BIRC6: variants seen among roughly 807,000 people sequenced by gnomAD.
BIRC6 encodes dual E2 ubiquitin-conjugating enzyme/E3 ubiquitin-protein ligase BIRC6.
Under a neutral mutation model 503.3 loss-of-function variants are expected in BIRC6, and 98 were observed. The ratio of observed to expected loss-of-function variants is 0.19; its 90% CI spans 0.17 to 0.23. The LOEUF (loss-of-function observed/expected upper bound fraction) is 0.23. Among genes scored for constraint, BIRC6 ranks in the 10% least tolerant of loss-of-function variants. The pLI, the probability that BIRC6 is intolerant of heterozygous loss-of-function variation, is 1.00. For synonymous variants in BIRC6, 2,240 were observed against 2,078.7 expected, an observed-to-expected ratio of 1.08 and a Z score of -2.11; for missense variants, 5,360 against 5,806.0, an observed-to-expected ratio of 0.92 and a Z score of 2.50.
chr2:32,476,075 C>T, intron 33 of BIRC6, 138 bp from the exon 34 acceptor site: 3 of 606,580 alleles, frequency 4.9e-6, no homozygotes, highest in East Asian at 3.7e-5. Context: ...AAAAAATTAT[C>T]ATCACAGTTA....
At chr2:32,442,984 A>T (rs1315129115) in intron 19 of BIRC6, among the ~76,000 whole-genome samples, 3 of 152,194 alleles carry the variant, frequency 2.0e-5, no homozygotes, top group Admixed American at 2.0e-4. Context: ...TCCTATATAT[A>T]CATACCTGCA....
In BIRC6 at chr2:32,446,771, T is replaced by TA. The variant is rs1553433773; in HGVS notation, c.4484+1104dup. Among the ~76,000 whole-genome samples, 222 of 110,692 alleles carry TA rather than the reference T, an allele frequency of 2.0e-3. 2 individuals are homozygous for TA. Among genetic ancestry groups the TA allele is most frequent in the Non-Finnish European group, 3.4e-3 (181 of 53,218 alleles). 72.6% of individuals were successfully genotyped at this position (110,692 alleles called of 152,430 possible). On this transcript the variant is annotated intron_variant, in intron 21 of 73. Coordinates refer to ENST00000421745, the MANE Select transcript of BIRC6 (RefSeq NM_016252.4). ...TTTTTTTTTTTTTTTTTTTTTTTTT[T>TA]ATTGATCATTCTTGGGTGTTTCTCG...
intron 49 of BIRC6, among the ~76,000 whole-genome samples, chr2:32,504,078 T>TGTGTG (rs1558912926): frequency 2.3e-4 from 23 of 98,866 alleles, no homozygotes; most frequent in Admixed American, 1.1e-3. Context: ...GTGTGTGTGT[T>TGTGTG]TAGTAGAGAT....
In BIRC6 at chr2:32,597,824, G is replaced by C; in HGVS notation, c.13686G>C (p.Gln4562His). 6.2e-7 allele frequency: 1 copy of C among 1,613,794 alleles called. No individual in the cohort carries two copies. The highest frequency in any genetic ancestry group is 1.1e-5 in the South Asian group (1 of 91,084). The change falls in exon 69 of 74, where the codon CAG (glutamine) becomes CAC (histidine). Residue 4562 changes from glutamine (Q) to histidine (H), a missense_variant. Around this residue, in one of 16 missense-constraint regions of BIRC6, gnomAD observed 477 missense variants for 574.4 expected, o/e 0.83. Transcript: ENST00000421745. ...AAGTAAATTACCACTACATGTCTCA[G>C]GTGAAAAATGCTAATGATGCGAACA... ...GFKVNYHYMS[Q>H]VKNANDANSA... is the part of the protein sequence containing the mutation.
rs1041095897 is a variant in BIRC6, at chr2:32,511,080, G to A, written c.10346+446G>A. Among the ~76,000 whole-genome samples the A allele has an allele frequency of 4.6e-5, 7 of 151,582 alleles. No homozygotes were observed. In the East Asian group the frequency reaches 9.7e-4, roughly 21 times the overall value. On this transcript the variant is annotated intron_variant, in intron 53 of 73. Coordinates refer to ENST00000421745, the MANE Select transcript of BIRC6 (RefSeq NM_016252.4). ...TTTATTATTGATTATCGTATTCATC[G>A]AAATCTTTTCATGACTTTCTGCACC...
At position 32,501,859 on chromosome 2, in the gene BIRC6, T is replaced by C. The variant is rs1572654591; in HGVS notation, c.9178T>C (p.Tyr3060His). Residue 3060 changes from tyrosine to histidine, a missense_variant, in exon 47 of 74, where the codon TAC becomes CAC. This residue lies in a region of BIRC6 where 267 missense variants were observed against 287.6 expected (regional missense o/e 0.93). Transcript: ENST00000421745. ...CATGATGCTGCAGCCAATTTTAACA[T>C]ACATGGCCTGTGGATATATGGGCAG... ...VHMMLQPILT[Y>H]MACGYMGRQG... 1.2e-6 allele frequency: 2 copies of C among 1,612,788 alleles called. No individual in the cohort carries two copies. The highest frequency in any genetic ancestry group is 2.2e-5 in the East Asian group (1 of 44,866).
chr2:32,404,769 C>T (rs2041008091), intron 8 of BIRC6, among the ~76,000 whole-genome samples: 1 of 152,000 alleles, frequency 6.6e-6, no homozygotes, highest in South Asian at 2.1e-4. Context: ...TCAAGTCATC[C>T]TTCTACCTCA....
At chr2:32,460,053 T>G (rs1178540103) in intron 23 of BIRC6, among the ~76,000 whole-genome samples, 2 of 148,966 alleles carry the variant, frequency 1.3e-5, no homozygotes, top group Non-Finnish European at 3.0e-5. Flanking sequence ...GTTTTTTCCT[T>G]GTGTTATTTT....
intron 16 of BIRC6, among the ~76,000 whole-genome samples, chr2:32,441,069 C>T (rs13409142): frequency 0.64 from 97,743 of 151,860 alleles, 31,939 homozygotes; most frequent in African/African-American, 0.7. Flanking sequence ...GGAATTAGAC[C>T]CAGGACTTTG....
chr2:32,389,618 A>G (rs369974402), intron 4 of BIRC6, among the ~76,000 whole-genome samples: 1 of 152,252 alleles, frequency 6.6e-6, no homozygotes, highest in South Asian at 2.1e-4. Context: ...TACAAAAAGT[A>G]CCAAGGTTTA....
Position 32,514,860 on chromosome 2 carries a change from A to G in BIRC6, c.10569-130A>G, listed in dbSNP as rs530547280. 5.5e-5 allele frequency: 38 copies of G among 687,424 alleles called. No homozygotes were observed. The South Asian group carries it at 5.8e-4, about 10-fold the overall frequency. 42.6% of individuals were successfully genotyped at this position (687,424 alleles called of 1,614,324 possible). A position where few individuals can be genotyped will look rare whatever the true frequency, so the allele number is the denominator to read the frequency against. On this transcript the variant is annotated intron_variant, in intron 54 of 73. Coordinates refer to ENST00000421745, the MANE Select transcript of BIRC6 (RefSeq NM_016252.4). ...TATATATGCAGTCTTAAATCTTACAATGTTTTATTATTCAATGTCAAATAA... is the reference window on the plus strand; with the variant it reads ...TATATATGCAGTCTTAAATCTTACAGTGTTTTATTATTCAATGTCAAATAA...
At chr2:32,380,828 T>G (rs963663113) in intron 3 of BIRC6, among the ~76,000 whole-genome samples, 8 of 152,234 alleles carry the variant, frequency 5.3e-5, no homozygotes, top group Admixed American at 2.0e-4. Context: ...TGATGCTTCC[T>G]TAAATCTTTC....
At chr2:32,470,034 A>G (rs1022905761) in intron 30 of BIRC6, 134 bp from the exon 31 acceptor site, 11 of 774,704 alleles carry the variant, frequency 1.4e-5, no homozygotes, top group Admixed American at 3.9e-5. Context: ...TTGCTTTCCC[A>G]GTCTGAAATA....
intron 23 of BIRC6, among the ~76,000 whole-genome samples, chr2:32,459,200 TC>T (rs919053305): frequency 6.6e-6 from 1 of 152,092 alleles, no homozygotes; most frequent in Non-Finnish European, 1.5e-5. Context: ...TTTCTCCCAT[TC>T]CCCCCAAACC....
chr2:32,378,078 G>A (rs534578702), intron 2 of BIRC6, among the ~76,000 whole-genome samples: 13 of 152,224 alleles, frequency 8.5e-5, no homozygotes, highest in Non-Finnish European at 1.5e-4. Flanking sequence ...AGGGCTAAGT[G>A]TATGGCCATC....
chr2:32,447,038 A>C (rs1236139223), intron 21 of BIRC6, among the ~76,000 whole-genome samples: 2 of 132,966 alleles, frequency 1.5e-5, no homozygotes, highest in Admixed American at 1.6e-4. Context: ...GAGTGGACAC[A>C]GCACATGTTT....
chr2:32,523,703 G>T (rs1258377296), intron 57 of BIRC6, among the ~76,000 whole-genome samples: 1 of 152,074 alleles, frequency 6.6e-6, no homozygotes, highest in East Asian at 1.9e-4. Context: ...TTGTTTTATT[G>T]TCTCAACCTT....
chr2:32,371,506 C>CT (rs781453378), intron 1 of BIRC6, among the ~76,000 whole-genome samples: 79 of 152,016 alleles, frequency 5.2e-4, no homozygotes, highest in Non-Finnish European at 9.1e-4. Flanking sequence ...TTCCGAGCAG[C>CT]TGGGACTACA....
intron 65 of BIRC6, among the ~76,000 whole-genome samples, chr2:32,574,132 A>G (rs1036276505): frequency 6.7e-6 from 1 of 149,166 alleles, no homozygotes; most frequent in East Asian, 2.0e-4. Flanking sequence ...CAACCCCCAC[A>G]TATTTGAGAA....
Sources: gnomAD v4.1 joint callset for allele counts (sites outside exome capture counted in the v4.1 genomes callset) on GRCh38, gnomAD v4.1.1 for gene constraint, gnomAD v4.1.1 regional missense constraint, MANE v1.5 for transcripts, NCBI Gene and HGNC (gene_info 2026-07-23, HGNC 2026-07-21) for gene names.